PTPN11: variants seen among roughly 807,000 people sequenced by gnomAD.
PTPN11 encodes the protein tyrosine-protein phosphatase non-receptor type 11.
In PTPN11, 6 loss-of-function variants were observed where a neutral mutation model predicts 78.8. The observed-to-expected ratio is 0.08, with a 90% CI of 0.04 to 0.15. The LOEUF (loss-of-function observed/expected upper bound fraction) is 0.15, where lower values mean the gene tolerates loss of function less well. Ranked by LOEUF, PTPN11 falls within the 10% of genes least tolerant of loss-of-function variation. The pLI is 1.00. For missense variants in PTPN11, 386 were observed against 744.8 expected (o/e 0.52, Z 5.61); for synonymous variants, 221 against 263.5 (o/e 0.84, Z 1.56).
intron 1 of PTPN11, among the ~76,000 whole-genome samples, chr12:112,445,774 T>C (rs2037984232): frequency 6.6e-6 from 1 of 151,956 alleles, no homozygotes; most frequent in Non-Finnish European, 1.5e-5. Context: ...CTCAAGTAGC[T>C]GGGATTACAG....
At chr12:112,441,779 T>C (rs1165675867) in intron 1 of PTPN11, among the ~76,000 whole-genome samples, 2 of 151,872 alleles carry the variant, frequency 1.3e-5, no homozygotes, top group East Asian at 1.9e-4. Context: ...CCATGAAGAA[T>C]ATCTTTTTTT....
At chr12:112,502,355 C>A in intron 14 of PTPN11, 99 bp downstream of exon 14, 2 of 943,064 alleles carry the variant, frequency 2.1e-6, no homozygotes, top group Non-Finnish European at 3.5e-6. Context: ...GTAGCACATG[C>A]CTTTCACTGG....
At chr12:112,493,556 T>C (rs772506796) in intron 13 of PTPN11, among the ~76,000 whole-genome samples, 6 of 151,676 alleles carry the variant, frequency 4.0e-5, no homozygotes, top group Non-Finnish European at 7.4e-5. Flanking sequence ...GCCTGGCTAA[T>C]TATTGTATTT....
At chr12:112,443,797 C>T (rs992393716) in intron 1 of PTPN11, among the ~76,000 whole-genome samples, 1 of 151,726 alleles carries the variant, frequency 6.6e-6, no homozygotes, top group Non-Finnish European at 1.5e-5. Flanking sequence ...GGACTATAGG[C>T]ACACACCACC....
intron 6 of PTPN11, among the ~76,000 whole-genome samples, chr12:112,467,959 A>G (rs2038356049): frequency 6.6e-6 from 1 of 152,150 alleles, no homozygotes; most frequent in Admixed American, 6.5e-5. Flanking sequence ...CAGACATCCA[A>G]ACCGTATCAT....
chr12:112,420,172 A>T (rs1479657185), intron 1 of PTPN11, among the ~76,000 whole-genome samples: 2 of 152,118 alleles, frequency 1.3e-5, no homozygotes, highest in African/African-American at 4.8e-5. Flanking sequence ...CAGTAGTGTG[A>T]CCTGTTGTTT....
intron 13 of PTPN11, among the ~76,000 whole-genome samples, chr12:112,493,895 G>A (rs145009465): frequency 7.8e-4 from 119 of 152,274 alleles, no homozygotes; most frequent in African/African-American, 2.8e-3. Flanking sequence ...GGCAGTGATG[G>A]TTTATTTCAC....
intron 1 of PTPN11, among the ~76,000 whole-genome samples, chr12:112,444,479 T>C (rs531319420): frequency 9.2e-5 from 14 of 152,152 alleles, no homozygotes; most frequent in Non-Finnish European, 1.9e-4. Flanking sequence ...GTAGCTGGGA[T>C]TACAGGCACG....
chr12:112,459,511 A>G (rs959221347), intron 6 of PTPN11, among the ~76,000 whole-genome samples: 2 of 151,614 alleles, frequency 1.3e-5, no homozygotes, highest in Non-Finnish European at 2.9e-5. Context: ...CTGTCCCCCA[A>G]GCTGGAGTGC....
At chr12:112,429,239 T>C (rs2037672871) in intron 1 of PTPN11, among the ~76,000 whole-genome samples, 1 of 152,178 alleles carries the variant, frequency 6.6e-6, no homozygotes, top group Non-Finnish European at 1.5e-5. Flanking sequence ...AAAACTAATG[T>C]TTATTAAGTC....
chr12:112,444,434 C>T (rs560847778), intron 1 of PTPN11, among the ~76,000 whole-genome samples: 5 of 151,970 alleles, frequency 3.3e-5, no homozygotes, highest in South Asian at 2.1e-4. Context: ...CTCCGCCTCC[C>T]GGGTTCAAGC....
At chr12:112,473,594 C>T (rs1443916601) in intron 7 of PTPN11, among the ~76,000 whole-genome samples, 2 of 152,112 alleles carry the variant, frequency 1.3e-5, no homozygotes, top group Non-Finnish European at 2.9e-5. Flanking sequence ...CACCTGTAAT[C>T]CCAGCACTTT....
chr12:112,431,926 TAA>T lies in PTPN11; in HGVS notation c.14+12805_14+12806del, dbSNP rs372364304. Among the ~76,000 whole-genome samples the T allele has an allele frequency of 1.3e-4, 19 of 150,832 alleles. No homozygotes were observed. In the East Asian group the frequency reaches 2.7e-3, roughly 22 times the overall value. ...CTGTAGGAAAAAAAATACCACAGAC[TAA>T]AAAGGGGGGAAAAAAACCAGAGACA... is the stretch of plus-strand genomic sequence containing the variant. On this transcript the variant is annotated intron_variant, in intron 1 of 15. Transcript: ENST00000351677.
intron 1 of PTPN11, among the ~76,000 whole-genome samples, chr12:112,420,061 A>G (rs2037497484): frequency 6.6e-6 from 1 of 152,228 alleles, no homozygotes; most frequent in Non-Finnish European, 1.5e-5. Context: ...CCTCACAGCT[A>G]GTAGGTGGTG....
intron 5 of PTPN11, chr12:112,454,906 G>A: frequency 1.8e-6 from 1 of 554,526 alleles, no homozygotes; most frequent in Non-Finnish European, 3.3e-6. Context: ...TACAACCTCT[G>A]CTTCCTGGGT....
intron 5 of PTPN11, among the ~76,000 whole-genome samples, chr12:112,455,329 G>A (rs532565777): frequency 8.2e-4 from 120 of 146,042 alleles, no homozygotes; most frequent in African/African-American, 3.0e-3. Flanking sequence ...TCTGCGTCCC[G>A]GGTTCAAGAG....
At chr12:112,441,119 C>A (rs557034693) in intron 1 of PTPN11, among the ~76,000 whole-genome samples, 5 of 151,914 alleles carry the variant, frequency 3.3e-5, no homozygotes, top group African/African-American at 1.2e-4. Flanking sequence ...CATGCGCCAC[C>A]ATGCCCGGCT....
intron 13 of PTPN11, among the ~76,000 whole-genome samples, chr12:112,492,764 G>A (rs995527066): frequency 3.9e-5 from 6 of 152,020 alleles, no homozygotes; most frequent in Admixed American, 6.6e-5. Context: ...TGATCTGCCC[G>A]CCTTGGCCTC....
intron 11 of PTPN11, among the ~76,000 whole-genome samples, chr12:112,487,385 T>C (rs1460717272): frequency 1.3e-5 from 2 of 152,076 alleles, no homozygotes; most frequent in Non-Finnish European, 1.5e-5. Context: ...CCACCTGCCT[T>C]GTCCTTCCAA....
Sources: allele counts gnomAD v4.1 joint callset (sites outside exome capture counted in the v4.1 genomes callset), GRCh38; gene constraint gnomAD v4.1.1; transcripts MANE v1.5; gene names NCBI Gene and HGNC (gene_info 2026-07-23, HGNC 2026-07-21).